The following APPL2 variants were observed in gnomAD, a reference collection of about 807,000 sequenced individuals.
APPL2 encodes the protein DCC-interacting protein 13-beta.
Under a neutral mutation model 92.7 loss-of-function variants are expected in APPL2, and 84 were observed. The ratio of observed to expected loss-of-function variants is 0.91; its 90% CI spans 0.76 to 1.09. The LOEUF (loss-of-function observed/expected upper bound fraction) is 1.09, where lower values mean the gene tolerates loss of function less well. Ranked by LOEUF, APPL2 falls within the 50% of genes least tolerant of loss-of-function variation. The probability of loss-of-function intolerance (pLI) is 0.00; values close to 1 mark genes in which losing one functional copy is unlikely to be tolerated. For missense variants in APPL2, 736 were observed against 824.5 expected, an observed-to-expected ratio of 0.89 and a Z score of 1.31; for synonymous variants, 291 against 291.0, an observed-to-expected ratio of 1.00 and a Z score of 0.00.
At chr12:105,196,517 C>A (rs1887668143) in intron 11 of APPL2, among the ~76,000 whole-genome samples, 1 of 145,006 alleles carries the variant, frequency 6.9e-6, no homozygotes, top group Non-Finnish European at 1.5e-5. Flanking sequence ...CTCACCACAA[C>A]CTCCGCCTCC....
intron 17 of APPL2, among the ~76,000 whole-genome samples, chr12:105,186,227 A>AT (rs2135922842): frequency 6.6e-6 from 1 of 152,096 alleles, no homozygotes; most frequent in Non-Finnish European, 1.5e-5. Flanking sequence ...CTTGCATTAT[A>AT]TTTACCAGGA....
chr12:105,192,354 A>T (rs1887278638), intron 14 of APPL2, among the ~76,000 whole-genome samples: 1 of 152,078 alleles, frequency 6.6e-6, no homozygotes, highest in Non-Finnish European at 1.5e-5. Context: ...GAGCTAACTA[A>T]CTTTGGAAAA....
chr12:105,174,296 C>G lies in APPL2; in HGVS notation c.*18G>C. On this transcript the variant is annotated 3_prime_UTR_variant, in exon 21 of 21. Coordinates refer to ENST00000258530, the MANE Select transcript of APPL2 (RefSeq NM_018171.5). Reference sequence around the variant, plus strand: ...AGCTCTCCTTCCTGTTTGCTCTTCCCCCACAGGCGCAAGTGAGTTATGCTT... The same window carrying G: ...AGCTCTCCTTCCTGTTTGCTCTTCCGCCACAGGCGCAAGTGAGTTATGCTT... 3.1e-6 allele frequency: 5 copies of G among 1,612,402 alleles called. No individual in the cohort carries two copies. The highest frequency in any genetic ancestry group is 4.2e-6 in the Non-Finnish European group (5 of 1,179,190).
chr12:105,234,623 C>G (rs961504521), intron 1 of APPL2, among the ~76,000 whole-genome samples: 2 of 152,184 alleles, frequency 1.3e-5, no homozygotes, highest in East Asian at 3.8e-4. Flanking sequence ...TTCTGTGCAC[C>G]TCAGTTTCCA....
chr12:105,211,658 A>G (rs1203204075), intron 4 of APPL2, among the ~76,000 whole-genome samples: 1 of 152,194 alleles, frequency 6.6e-6, no homozygotes. Flanking sequence ...GTGCCTGCAG[A>G]GAACACAGCC....
chr12:105,205,523 G>A (rs1566078011), intron 8 of APPL2, among the ~76,000 whole-genome samples: 1 of 152,180 alleles, frequency 6.6e-6, no homozygotes, highest in Non-Finnish European at 1.5e-5. Flanking sequence ...GGCCATGAAT[G>A]AGAATGAAAC....
At chr12:105,189,956 C>T (rs763628746) in intron 15 of APPL2, 35 bp downstream of exon 15, 6 of 1,611,760 alleles carry the variant, frequency 3.7e-6, no homozygotes, top group Non-Finnish European at 5.1e-6. Flanking sequence ...AATTTACTTT[C>T]AGTTCTCCCA....
chr12:105,174,876 T>TGGTG (rs796727681), intron 20 of APPL2, among the ~76,000 whole-genome samples: 1 of 89,010 alleles, frequency 1.1e-5, no homozygotes, highest in Non-Finnish European at 2.3e-5. Context: ...TTTTTTTTGG[T>TGGTG]GGGGGGGGGG....
At chr12:105,188,899 C>T (rs1422651611) in intron 16 of APPL2, among the ~76,000 whole-genome samples, 4 of 152,270 alleles carry the variant, frequency 2.6e-5, no homozygotes, top group East Asian at 3.9e-4. Context: ...ATGTGTATTA[C>T]GGAAAGGCAG....
intron 2 of APPL2, among the ~76,000 whole-genome samples, chr12:105,221,302 G>A (rs909156482): frequency 1.3e-5 from 2 of 152,178 alleles, no homozygotes; most frequent in Non-Finnish European, 2.9e-5. Flanking sequence ...GCTTGATGTT[G>A]CTGTTAAATG....
In APPL2 at chr12:105,199,426, T is replaced by C. The variant is rs1201090078; in HGVS notation, c.810A>G (p.Ala270=). ...GGATGAGGTTCCTGTTGATCTGTGG[T>C]GCGGCCACATCAGAGTCTGGAGTGT... ...SVYTPDSDVA[A]PQINRNLIQK... The change falls in exon 10 of 21, where the codon GCA becomes GCG. Residue 270 remains alanine, a synonymous_variant. Coordinates refer to ENST00000258530, the MANE Select transcript of APPL2 (RefSeq NM_018171.5). The C allele has an allele frequency of 6.2e-7, 1 of 1,614,142 alleles. No individual in the cohort carries two copies. The highest frequency in any genetic ancestry group is 1.1e-5 in the South Asian group (1 of 91,084).
In APPL2 at chr12:105,217,132, A is replaced by T. The variant is rs909695291; in HGVS notation, c.222T>A (p.Ala74=). ...TTACTTCTTCATCACCTTTGCCAAGAGCAAAGTTCTAAGACCAAAGAATAA... is the reference window on the plus strand; with the variant it reads ...TTACTTCTTCATCACCTTTGCCAAGTGCAAAGTTCTAAGACCAAAGAATAA... ...QLLAYEKQNF[A]LGKGDEEVIS... is the part of the protein sequence containing the mutation. Residue 74 remains alanine, a synonymous_variant, in exon 4 of 21, where the codon GCT becomes GCA. Transcript: ENST00000258530. The T allele has an allele frequency of 1.2e-6, 2 of 1,608,624 alleles. No homozygotes were observed. Among genetic ancestry groups the T allele is most frequent in the African/African-American group, 2.7e-5 (2 of 74,758 alleles).
At chr12:105,220,994 C>T (rs1289801048) in intron 2 of APPL2, among the ~76,000 whole-genome samples, 1 of 152,214 alleles carries the variant, frequency 6.6e-6, no homozygotes, top group African/African-American at 2.4e-5. Context: ...AGTATGAGTT[C>T]ATCGGAAACC....
chr12:105,205,304 G>A (rs1183026461), intron 8 of APPL2, among the ~76,000 whole-genome samples: 3 of 152,212 alleles, frequency 2.0e-5, no homozygotes, highest in Admixed American at 6.5e-5. Context: ...ACTTGGTCTT[G>A]TGTCTTGAAA....
At chr12:105,176,252 A>G (rs1592747917) in intron 19 of APPL2, 170 bp from the exon 20 acceptor site, 1 of 603,146 alleles carries the variant, frequency 1.7e-6, no homozygotes, top group Middle Eastern at 2.5e-4. Flanking sequence ...TTTGCGTCCA[A>G]CTGTCCTGAC....
intron 17 of APPL2, among the ~76,000 whole-genome samples, chr12:105,180,978 G>C (rs1054892240): frequency 1.3e-5 from 2 of 152,088 alleles, no homozygotes; most frequent in Non-Finnish European, 2.9e-5. Flanking sequence ...GACTGCCCTG[G>C]CCAGAACTTC....
At chr12:105,210,805 G>A (rs1272168563) in intron 5 of APPL2, among the ~76,000 whole-genome samples, 5 of 137,340 alleles carry the variant, frequency 3.6e-5, no homozygotes, top group Non-Finnish European at 8.0e-5. Flanking sequence ...TCCAAACCCC[G>A]CTTTCCATTC....
intron 19 of APPL2, chr12:105,176,290 A>T: frequency 1.8e-6 from 1 of 553,848 alleles, no homozygotes; most frequent in Non-Finnish European, 3.1e-6. Flanking sequence ...GCCACACAAA[A>T]AATATTCCAG....
rs546005776 is a variant in APPL2 at position 105,195,462 on chromosome 12, G to C, written c.1135C>G (p.Leu379Val). The C allele has an allele frequency of 1.2e-6, 2 of 1,614,152 alleles. No homozygotes were observed. The highest frequency in any genetic ancestry group is 2.2e-5 in the East Asian group (1 of 44,882). The change falls in exon 13 of 21, where the codon CTG (leucine) becomes GTG (valine). Residue 379 changes from leucine to valine, a missense_variant. By Grantham distance (32) the Leu-to-Val change is conservative (BLOSUM62 1). Transcript: ENST00000258530. ...ATAATTACCTCAGGGTTGTCGGTCA[G>C]GTAGATCTGTCTGGAGATGTTGTTT... ...AINNISRQIY[L>V]TDNPEAVAIK... is the part of the protein sequence containing the mutation.
Sources: gnomAD v4.1 joint callset for allele counts (sites outside exome capture counted in the v4.1 genomes callset) on GRCh38, gnomAD v4.1.1 for gene constraint, MANE v1.5 for transcripts, NCBI Gene and HGNC (gene_info 2026-07-23, HGNC 2026-07-21) for gene names.